The following CWC27 variants were observed in gnomAD, a reference collection of about 807,000 sequenced individuals.
CWC27 encodes the protein CWC27 spliceosome associated cyclophilin, also known as spliceosome-associated protein CWC27 homolog.
Under a neutral mutation model 63.6 loss-of-function variants are expected in CWC27, and 47 were observed. The observed-to-expected ratio is 0.74, with a 90% CI of 0.58 to 0.94. The LOEUF is 0.94. Ranked by LOEUF, CWC27 falls within the 40% of genes least tolerant of loss-of-function variation. The pLI is 0.00. For synonymous variants in CWC27, 175 were observed against 179.8 expected (o/e 0.97, Z 0.22); for missense variants, 495 against 554.3 (o/e 0.89, Z 1.07).
At chr5:65,013,894 G>A (rs1750006606) in intron 13 of CWC27, among the ~76,000 whole-genome samples, 1 of 151,950 alleles carries the variant, frequency 6.6e-6, no homozygotes, top group Non-Finnish European at 1.5e-5. Flanking sequence ...TGCTAATGTT[G>A]GAATTCTATA....
At chr5:64,784,378 C>T (rs1372357941) in intron 4 of CWC27, among the ~76,000 whole-genome samples, 1 of 152,120 alleles carries the variant, frequency 6.6e-6, no homozygotes, top group African/African-American at 2.4e-5. Flanking sequence ...TTTGTGTTGA[C>T]ATTGAAACTT....
At chr5:64,838,945 T>G (rs1244599904) in intron 10 of CWC27, among the ~76,000 whole-genome samples, 3 of 152,198 alleles carry the variant, frequency 2.0e-5, no homozygotes, top group Non-Finnish European at 4.4e-5. Context: ...ATGAAAATAA[T>G]CAGTCATACT....
intron 10 of CWC27, among the ~76,000 whole-genome samples, chr5:64,831,560 T>C (rs1213405855): frequency 6.6e-6 from 1 of 151,864 alleles, no homozygotes; most frequent in Non-Finnish European, 1.5e-5. Context: ...ATTTACTTTA[T>C]TAGAAATTAA....
chr5:64,963,696 T>A (rs1402473711), intron 11 of CWC27, among the ~76,000 whole-genome samples: 1 of 152,208 alleles, frequency 6.6e-6, no homozygotes, highest in African/African-American at 2.4e-5. Flanking sequence ...CCAGGTGGAA[T>A]CTTAACAGGC....
rs751408756 is a variant in CWC27, at chr5:64,885,478, G to A, written c.974G>A (p.Arg325Gln). Residue 325 changes from arginine to glutamine, a missense_variant, in exon 11 of 14, where the codon CGG (arginine) becomes CAG (glutamine). Around this residue, in one of 3 missense-constraint regions of CWC27, gnomAD observed 463 missense variants for 498.1 expected, o/e 0.93. Transcript: ENST00000381070. ...ELRKEARQLK[R>Q]ELLAAKQKKV... is the part of the protein sequence containing the mutation. ...AGAAAAGAAGCAAGACAATTAAAACGGGAACTCTTAGCAGCAAAACAAAAA... is the reference window on the plus strand; with the variant it reads ...AGAAAAGAAGCAAGACAATTAAAACAGGAACTCTTAGCAGCAAAACAAAAA... The A allele has an allele frequency of 3.5e-5, 56 of 1,609,246 alleles. No homozygotes were observed. The highest frequency in any genetic ancestry group is 1.6e-4 in the Middle Eastern group (1 of 6,080).
chr5:65,018,027 C>A, intron 13 of CWC27, 132 bp from the exon 14 acceptor site: 2 of 745,720 alleles, frequency 2.7e-6, no homozygotes, highest in Non-Finnish European at 2.1e-6. Flanking sequence ...GTGGTGTAAG[C>A]ACCAGTAAAC....
intron 11 of CWC27, among the ~76,000 whole-genome samples, chr5:64,931,046 C>T (rs1482655348): frequency 6.6e-6 from 1 of 151,784 alleles, no homozygotes; most frequent in Non-Finnish European, 1.5e-5. Context: ...GATCCTGGAA[C>T]AAAGGAAAAA....
At chr5:64,902,129 G>T (rs1302723062) in intron 11 of CWC27, among the ~76,000 whole-genome samples, 2 of 152,026 alleles carry the variant, frequency 1.3e-5, no homozygotes, top group Non-Finnish European at 2.9e-5. Context: ...AAAAATATAG[G>T]ATAATAAACA....
At chr5:64,830,174 C>T (rs1422694005) in intron 10 of CWC27, among the ~76,000 whole-genome samples, 14 of 151,216 alleles carry the variant, frequency 9.3e-5, no homozygotes, top group East Asian at 2.0e-4. Context: ...ATCCCTCCCC[C>T]GGCCCCCCAT....
intron 13 of CWC27, among the ~76,000 whole-genome samples, chr5:64,992,369 G>C (rs1749551394): frequency 6.6e-6 from 1 of 152,154 alleles, no homozygotes; most frequent in African/African-American, 2.4e-5. Context: ...CAGAATACCA[G>C]CTTCTACCAG....
chr5:65,010,038 G>T (rs1473891404), intron 13 of CWC27, among the ~76,000 whole-genome samples: 1 of 152,186 alleles, frequency 6.6e-6, no homozygotes, highest in African/African-American at 2.4e-5. Context: ...ACTTTCTCCA[G>T]TAATAGTGAC....
chr5:64,908,915 A>C (rs1254194341), intron 11 of CWC27, among the ~76,000 whole-genome samples: 3 of 152,174 alleles, frequency 2.0e-5, no homozygotes, highest in African/African-American at 4.8e-5. Context: ...TGTGAATTTC[A>C]TCCTGTCCTT....
intron 10 of CWC27, among the ~76,000 whole-genome samples, chr5:64,835,669 T>C (rs1455092464): frequency 6.6e-6 from 1 of 151,894 alleles, no homozygotes; most frequent in Non-Finnish European, 1.5e-5. Flanking sequence ...TTGTTCATTG[T>C]GTGGAACCTC....
intron 13 of CWC27, among the ~76,000 whole-genome samples, chr5:64,993,637 C>T (rs1749580576): frequency 6.6e-6 from 1 of 151,656 alleles, no homozygotes; most frequent in Non-Finnish European, 1.5e-5. Context: ...GTCATGGATT[C>T]TGGACTCTCT....
chr5:64,891,513 G>T (rs11746657), intron 11 of CWC27, among the ~76,000 whole-genome samples: 13 of 151,884 alleles, frequency 8.6e-5, no homozygotes, highest in African/African-American at 3.1e-4. Context: ...ATTACATGAA[G>T]AATTTAATCT....
At position 64,774,790 on chromosome 5, in the gene CWC27, A is replaced by AAATTACGAC; in HGVS notation, c.139+3_139+4insAATTACGAC. The AAATTACGAC allele has an allele frequency of 2.6e-6, 4 of 1,552,374 alleles. No individual in the cohort carries two copies. Among genetic ancestry groups the AAATTACGAC allele is most frequent in the Non-Finnish European group, 3.5e-6 (4 of 1,133,146 alleles). ...TTTTATCCAACTTTGTTTGGAAGGT[A>AAATTACGAC]TGTTGACTTTTATTCTACTGGAGAA... On this transcript the variant is annotated splice_donor_region_variant and intron_variant, in intron 2 of 13. Transcript: ENST00000381070.
In CWC27 at chr5:64,784,337, A is replaced by G. The variant is rs144008248; in HGVS notation, c.396+358A>G. 8.1e-3 allele frequency among the ~76,000 whole-genome samples: 1,235 copies of G among 152,258 alleles called. 20 individuals carry two copies. Among genetic ancestry groups the G allele is most frequent in the African/African-American group, 0.028 (1,156 of 41,548 alleles). ...TTAGTAGTTTACAGTTTATTTTCTT[A>G]ATGATGGATTTTCTTAAGTTTAAAG... On this transcript the variant is annotated intron_variant, in intron 4 of 13. Transcript: ENST00000381070.
At chr5:64,882,143 T>C (rs905199545) in intron 10 of CWC27, among the ~76,000 whole-genome samples, 2 of 152,156 alleles carry the variant, frequency 1.3e-5, no homozygotes, top group African/African-American at 4.8e-5. Flanking sequence ...AACTAGGCAT[T>C]GATGGTTAAA....
intron 11 of CWC27, among the ~76,000 whole-genome samples, chr5:64,913,988 T>C (rs1433915249): frequency 6.6e-6 from 1 of 151,936 alleles, no homozygotes; most frequent in Non-Finnish European, 1.5e-5. Flanking sequence ...GACTGACAAA[T>C]AGACACGTGA....
Sources: allele counts gnomAD v4.1 joint callset (sites outside exome capture counted in the v4.1 genomes callset), GRCh38; gene constraint gnomAD v4.1.1; regional missense constraint gnomAD v4.1.1; transcripts MANE v1.5; gene names NCBI Gene and HGNC (gene_info 2026-07-23, HGNC 2026-07-21).